Variants in BRD1 observed in about 807,000 individuals in gnomAD.
BRD1 encodes bromodomain-containing protein 1.
In BRD1, 24 loss-of-function variants were observed where a neutral mutation model predicts 107.7. That is an observed-to-expected ratio of 0.22 (90% CI 0.16 to 0.31). The LOEUF is 0.31. Among genes scored for constraint, BRD1 ranks in the 10% least tolerant of loss-of-function variants. BRD1 has a pLI of 1.00. For missense variants in BRD1, 1,279 were observed against 1,638.6 expected (o/e 0.78, Z 3.79); for synonymous variants, 744 against 686.1 (o/e 1.08, Z -1.32).
chr22:49,774,664 A>G (rs955066781), intron 12 of BRD1, among the ~76,000 whole-genome samples: 4 of 152,312 alleles, frequency 2.6e-5, no homozygotes, highest in African/African-American at 7.2e-5. Context: ...CTCCACCTCC[A>G]AAACGTTTCC....
chr22:49,813,172 T>C (rs2059884919), intron 2 of BRD1, among the ~76,000 whole-genome samples: 1 of 152,282 alleles, frequency 6.6e-6, no homozygotes, highest in Admixed American at 6.5e-5. Context: ...GAGTGGATCA[T>C]TTGAGCTCAG....
At chr22:49,809,988 C>G (rs1011511369) in intron 2 of BRD1, among the ~76,000 whole-genome samples, 2 of 152,134 alleles carry the variant, frequency 1.3e-5, no homozygotes, top group Admixed American at 6.5e-5. Context: ...CACAGATGGA[C>G]TATTTATAAA....
At position 49,793,983 on chromosome 22, in the gene BRD1, G is replaced by A. The variant is rs1364276950; in HGVS notation, c.2359+51C>T. Reference sequence around the variant, plus strand: ...TGGGTCTGTGCCTGTGCCTGTGCCTGAGCCTGAGCCGTGACGGCAAGAAAG... The same window carrying A: ...TGGGTCTGTGCCTGTGCCTGTGCCTAAGCCTGAGCCGTGACGGCAAGAAAG... On this transcript the variant is annotated intron_variant, in intron 7 of 12. Transcript: ENST00000404760. The A allele has an allele frequency of 3.2e-6, 5 of 1,573,244 alleles. No individual in the cohort carries two copies. The South Asian group carries it at 3.5e-5, about 11-fold the overall frequency.
intron 2 of BRD1, among the ~76,000 whole-genome samples, chr22:49,805,039 T>C (rs2059713599): frequency 6.6e-6 from 1 of 152,136 alleles, no homozygotes; most frequent in South Asian, 2.1e-4. Flanking sequence ...CCTTAGACAC[T>C]GTCCACTCAG....
At chr22:49,795,709 G>A (rs1361216468) in intron 6 of BRD1, among the ~76,000 whole-genome samples, 3 of 152,236 alleles carry the variant, frequency 2.0e-5, no homozygotes, top group Admixed American at 1.3e-4. Context: ...CACCAGGTGG[G>A]CGTCTGAGAG....
chr22:49,778,130 G>A (rs1211938513), intron 8 of BRD1, among the ~76,000 whole-genome samples: 2 of 152,218 alleles, frequency 1.3e-5, no homozygotes, highest in Admixed American at 6.5e-5. Flanking sequence ...AGGATGCCGT[G>A]AGCCTGCCAT....
intron 7 of BRD1, among the ~76,000 whole-genome samples, chr22:49,791,794 G>A (rs2059440365): frequency 6.6e-6 from 1 of 151,952 alleles, no homozygotes; most frequent in Non-Finnish European, 1.5e-5. Flanking sequence ...ACCTCGGAGT[G>A]GACTTTCAGG....
intron 1 of BRD1, among the ~76,000 whole-genome samples, chr22:49,826,755 C>A (rs962713630): frequency 6.6e-6 from 1 of 152,232 alleles, no homozygotes; most frequent in Admixed American, 6.5e-5. Flanking sequence ...CACCTGGCGA[C>A]AGACCCTCAA....
intron 10 of BRD1, 42 bp from the exon 11 acceptor site, chr22:49,776,201 C>A: frequency 6.4e-7 from 1 of 1,550,428 alleles, no homozygotes; most frequent in Non-Finnish European, 8.8e-7. Flanking sequence ...GTCAGCAGGA[C>A]ACGGGGCACG....
rs2059576594 is a variant in BRD1 at position 49,798,423 on chromosome 22, C to A, written c.1785+135G>T. 6 of 1,444,496 alleles carry A rather than the reference C, an allele frequency of 4.2e-6. No individual in the cohort carries two copies. The Admixed American group carries it at 5.7e-5, about 14-fold the overall frequency. The allele number at this position is 1,444,496 out of a possible 1,614,324, so 89.5% of individuals were successfully genotyped here. On this transcript the variant is annotated intron_variant, in intron 5 of 12. Transcript: ENST00000404760. ...ATGTATCACTTTTATAATTTAAAAA[C>A]AAATACGTTAAATAAAAACGAGAAT... is the stretch of plus-strand genomic sequence containing the variant.
At chr22:49,797,593 T>C (rs984105129) in intron 6 of BRD1, among the ~76,000 whole-genome samples, 3 of 152,246 alleles carry the variant, frequency 2.0e-5, no homozygotes, top group East Asian at 1.9e-4. Flanking sequence ...AACTCTTCCA[T>C]ACACTGAGTA....
chr22:49,785,849 A>C (rs544961471), intron 8 of BRD1, among the ~76,000 whole-genome samples: 1 of 152,314 alleles, frequency 6.6e-6, no homozygotes, highest in East Asian at 1.9e-4. Context: ...AAGGGTAGGA[A>C]GTGAGCCTCC....
intron 2 of BRD1, among the ~76,000 whole-genome samples, chr22:49,809,403 G>A (rs993462523): frequency 2.0e-5 from 3 of 151,948 alleles, no homozygotes; most frequent in Non-Finnish European, 4.4e-5. Flanking sequence ...AGCCAGGCGT[G>A]GTGACAGGTG....
chr22:49,785,186 C>T (rs1027996018), intron 8 of BRD1, among the ~76,000 whole-genome samples: 1 of 152,264 alleles, frequency 6.6e-6, no homozygotes. Flanking sequence ...TTGCTGAGGA[C>T]GTGGCCGCCA....
intron 2 of BRD1, among the ~76,000 whole-genome samples, chr22:49,810,413 G>A (rs1173384595): frequency 2.0e-5 from 3 of 152,030 alleles, no homozygotes; most frequent in Non-Finnish European, 2.9e-5. Context: ...AAAGACCCTT[G>A]GTTAGGCAAA....
chr22:49,777,119 C>T lies in BRD1; in HGVS notation c.3036G>A (p.Val1012=). The change falls in exon 10 of 13, where the codon GTG becomes GTA. Residue 1012 remains valine (V), a synonymous_variant. Coordinates refer to ENST00000404760, the MANE Select transcript of BRD1 (RefSeq NM_001304808.3). ...PKCGRGKPAL[V]RRHTLEDRSE... ...TGCGGTCCTCCAGCGTGTGCCGTCG[C>T]ACAAGAGCCGGTTTGCCCCGCCCAC... 1.2e-6 allele frequency: 2 copies of T among 1,613,376 alleles called. No individual in the cohort carries two copies. Among genetic ancestry groups the T allele is most frequent in the Non-Finnish European group, 1.7e-6 (2 of 1,180,004 alleles).
chr22:49,806,511 C>T (rs1254972103), intron 2 of BRD1: 1 of 152,232 alleles, frequency 6.6e-6, no homozygotes, highest in Non-Finnish European at 1.5e-5. Flanking sequence ...CACCCCCACT[C>T]AACTCGGACA....
At chr22:49,776,283 C>A in intron 10 of BRD1, 124 bp from the exon 11 acceptor site, 1 of 791,040 alleles carries the variant, frequency 1.3e-6, no homozygotes, top group South Asian at 1.6e-5. Flanking sequence ...AGGCCTTTCT[C>A]AGCCACCCCG....
chr22:49,799,271 GC>G, intron 3 of BRD1, 152 bp from the exon 4 acceptor site: 1 of 975,626 alleles, frequency 1.0e-6, no homozygotes, highest in Non-Finnish European at 1.5e-6. Flanking sequence ...TCACTAGAGA[GC>G]CCCAGGACAG....
Sources: gnomAD v4.1 joint callset for allele counts (sites outside exome capture counted in the v4.1 genomes callset) on GRCh38, gnomAD v4.1.1 for gene constraint, MANE v1.5 for transcripts, NCBI Gene and HGNC (gene_info 2026-07-23, HGNC 2026-07-21) for gene names.